The following CD86 variants were observed in gnomAD, a reference collection of about 807,000 sequenced individuals.
CD86 encodes T-lymphocyte activation antigen CD86.
Under a neutral mutation model 32.1 loss-of-function variants are expected in CD86, and 11 were observed. The observed-to-expected ratio is 0.34, with a 90% CI of 0.22 to 0.57. The LOEUF is 0.57. Ranked by LOEUF, CD86 falls within the 20% of genes least tolerant of loss-of-function variation. The probability of loss-of-function intolerance (pLI) is 0.86; values close to 1 mark genes in which losing one functional copy is unlikely to be tolerated. For synonymous variants in CD86, 137 were observed against 135.3 expected (o/e 1.01, Z -0.09); for missense variants, 359 against 398.4 (o/e 0.90, Z 0.84).
At chr3:122,088,686 C>T (rs1312731742) in intron 1 of CD86, among the ~76,000 whole-genome samples, 1 of 152,148 alleles carries the variant, frequency 6.6e-6, no homozygotes, top group Non-Finnish European at 1.5e-5. Flanking sequence ...CAAGTGTTGG[C>T]AAGGATGTGG....
At chr3:122,085,932 G>A (rs1210706752) in intron 1 of CD86, among the ~76,000 whole-genome samples, 1 of 152,192 alleles carries the variant, frequency 6.6e-6, no homozygotes, top group African/African-American at 2.4e-5. Flanking sequence ...GGCCCTGAGT[G>A]CTGCTGGGCT....
chr3:122,078,834 C>A (rs1363222146), intron 1 of CD86, among the ~76,000 whole-genome samples: 1 of 152,198 alleles, frequency 6.6e-6, no homozygotes, highest in Non-Finnish European at 1.5e-5. Flanking sequence ...AGGAAATGAA[C>A]TGTTTATCTT....
intron 2 of CD86, among the ~76,000 whole-genome samples, chr3:122,102,113 A>G (rs974389818): frequency 3.3e-5 from 5 of 152,118 alleles, no homozygotes; most frequent in African/African-American, 1.2e-4. Context: ...GTTTAGTTTG[A>G]CAAGTGCATG....
chr3:122,064,881 T>C (rs1484882332), intron 1 of CD86, among the ~76,000 whole-genome samples: 1 of 152,204 alleles, frequency 6.6e-6, no homozygotes, highest in African/African-American at 2.4e-5. Flanking sequence ...TGACTATTAA[T>C]TTATTCAATA....
intron 1 of CD86, among the ~76,000 whole-genome samples, chr3:122,078,700 AT>A (rs1438363754): frequency 6.6e-6 from 1 of 152,234 alleles, no homozygotes; most frequent in Non-Finnish European, 1.5e-5. Context: ...ACCTATTTGC[AT>A]TTGCATTTGC....
chr3:122,062,902 C>G (rs963503026), intron 1 of CD86, among the ~76,000 whole-genome samples: 2 of 152,156 alleles, frequency 1.3e-5, no homozygotes, highest in African/African-American at 4.8e-5. Flanking sequence ...TTCTTTAGCT[C>G]TGCCTTTTCT....
At chr3:122,072,632 C>T (rs1377615896) in intron 1 of CD86, among the ~76,000 whole-genome samples, 8 of 151,890 alleles carry the variant, frequency 5.3e-5, no homozygotes, top group Non-Finnish European at 1.0e-4. Flanking sequence ...GGATATTAGC[C>T]CTTTGTCAGA....
intron 5 of CD86, among the ~76,000 whole-genome samples, chr3:122,113,688 A>G (rs2073208222): frequency 6.6e-6 from 1 of 152,176 alleles, no homozygotes. Flanking sequence ...TATAAACACC[A>G]TTATTTTTAA....
At chr3:122,076,913 C>T (rs36226874) in intron 1 of CD86, among the ~76,000 whole-genome samples, 7,420 of 152,294 alleles carry the variant, frequency 0.049, 244 homozygotes, top group Middle Eastern at 0.092. Context: ...CAAGCCAGGA[C>T]TGGACTTCGG....
At chr3:122,067,382 A>G (rs910021125) in intron 1 of CD86, among the ~76,000 whole-genome samples, 9 of 152,236 alleles carry the variant, frequency 5.9e-5, no homozygotes, top group African/African-American at 1.9e-4. Context: ...CTGGCCACCA[A>G]TGAATTGAAA....
intron 1 of CD86, among the ~76,000 whole-genome samples, chr3:122,064,646 G>A (rs534269923): frequency 6.6e-6 from 1 of 152,118 alleles, no homozygotes; most frequent in Non-Finnish European, 1.5e-5. Context: ...ATTTCAAGAG[G>A]AGCCAGAAAG....
intron 1 of CD86, among the ~76,000 whole-genome samples, chr3:122,063,898 G>A (rs911587704): frequency 2.0e-5 from 3 of 152,046 alleles, no homozygotes; most frequent in African/African-American, 7.2e-5. Context: ...TTGAGAAGCC[G>A]GTGTTTTAAT....
intron 4 of CD86, among the ~76,000 whole-genome samples, chr3:122,106,769 G>C (rs1195859187): frequency 6.7e-6 from 1 of 150,236 alleles, no homozygotes. Context: ...GGATTCTGAA[G>C]TTTTGATTTA....
chr3:122,106,561 G>A, intron 4 of CD86, 61 bp downstream of exon 4: 7 of 1,416,986 alleles, frequency 4.9e-6, no homozygotes, highest in Non-Finnish European at 5.8e-6. Context: ...GCTTAAGGCA[G>A]ATCATCCAAT....
At chr3:122,106,678 G>A (rs373217299) in intron 4 of CD86, among the ~76,000 whole-genome samples, 178 bp downstream of exon 4, 99 of 152,250 alleles carry the variant, frequency 6.5e-4, no homozygotes, top group African/African-American at 2.4e-3. Context: ...GGTCCAGGAG[G>A]CTACGAGCCT....
intron 5 of CD86, 82 bp downstream of exon 5, chr3:122,109,490 G>A (rs1315083720): frequency 1.3e-6 from 2 of 1,522,816 alleles, no homozygotes; most frequent in Non-Finnish European, 1.8e-6. Context: ...GAGCTTGTTG[G>A]CTGAGCCTAG....
At chr3:122,057,742 C>G (rs770910512) in intron 1 of CD86, among the ~76,000 whole-genome samples, 4 of 152,148 alleles carry the variant, frequency 2.6e-5, no homozygotes, top group Non-Finnish European at 5.9e-5. Flanking sequence ...TCTCTTGAAT[C>G]CTCTTCAAAA....
chr3:122,059,549 A>G (rs1576754650), intron 1 of CD86, among the ~76,000 whole-genome samples: 1 of 152,066 alleles, frequency 6.6e-6, no homozygotes, highest in East Asian at 2.0e-4. Context: ...AAAAAAAAAA[A>G]AAGAAAGAAA....
At chr3:122,063,613 A>G (rs1005175609) in intron 1 of CD86, among the ~76,000 whole-genome samples, 4 of 83,402 alleles carry the variant, frequency 4.8e-5, no homozygotes, top group African/African-American at 1.9e-4. Flanking sequence ...TTTTTTTTTA[A>G]AGACAGAGTC....
Sources: gnomAD v4.1 joint callset for allele counts (sites outside exome capture counted in the v4.1 genomes callset) on GRCh38, gnomAD v4.1.1 for gene constraint, MANE v1.5 for transcripts, NCBI Gene and HGNC (gene_info 2026-07-23, HGNC 2026-07-21) for gene names.